The following PTPRD variants were observed in gnomAD, a reference collection of about 807,000 sequenced individuals.
PTPRD encodes protein tyrosine phosphatase receptor type D.
PTPRD carries 34 observed loss-of-function variants against 214.5 expected under a neutral mutation model. That is an observed-to-expected ratio of 0.16 (90% CI 0.12 to 0.21). The LOEUF (loss-of-function observed/expected upper bound fraction) is 0.21. PTPRD is among the 10% of genes least tolerant of loss of function. PTPRD has a pLI of 1.00. For missense variants in PTPRD, 2,545 were observed against 2,398.7 expected (o/e 1.06, Z -1.27); for synonymous variants, 1,128 against 845.7 (o/e 1.33, Z -5.79).
intron 44 of PTPRD, among the ~76,000 whole-genome samples, chr9:8,329,611 C>G (rs1296492041): frequency 6.6e-6 from 1 of 152,104 alleles, no homozygotes; most frequent in East Asian, 1.9e-4. Flanking sequence ...GAAGCTGTGC[C>G]CACAGCTGCC....
intron 2 of PTPRD, among the ~76,000 whole-genome samples, chr9:10,386,080 T>G (rs1191144320): frequency 6.6e-6 from 1 of 151,814 alleles, no homozygotes; most frequent in Non-Finnish European, 1.5e-5. Context: ...ATTGAAGGCA[T>G]GAAATTCAGT....
chr9:10,570,921 A>T (rs2067229175), intron 2 of PTPRD, among the ~76,000 whole-genome samples: 1 of 148,394 alleles, frequency 6.7e-6, no homozygotes, highest in Non-Finnish European at 1.5e-5. Context: ...CTTTCCATAT[A>T]TGGCTCCTTT....
At chr9:9,103,606 C>G (rs1433865898) in intron 10 of PTPRD, among the ~76,000 whole-genome samples, 1 of 151,744 alleles carries the variant, frequency 6.6e-6, no homozygotes, top group Non-Finnish European at 1.5e-5. Flanking sequence ...GTATCCTTTG[C>G]TTCCATAAGA....
intron 35 of PTPRD, among the ~76,000 whole-genome samples, chr9:8,432,228 A>G (rs1036402401): frequency 6.6e-6 from 1 of 152,226 alleles, no homozygotes; most frequent in Non-Finnish European, 1.5e-5. Flanking sequence ...TCTCAAATTG[A>G]GACTACTTAA....
intron 7 of PTPRD, among the ~76,000 whole-genome samples, chr9:9,684,350 A>G (rs1324488848): frequency 6.6e-6 from 1 of 151,658 alleles, no homozygotes; most frequent in Non-Finnish European, 1.5e-5. Context: ...GATCCTATCA[A>G]TGTTGGGTGC....
chr9:10,387,853 G>T (rs1241501111), intron 2 of PTPRD, among the ~76,000 whole-genome samples: 4 of 115,258 alleles, frequency 3.5e-5, no homozygotes, highest in East Asian at 2.6e-4. Flanking sequence ...TTGAGAAAAG[G>T]TCTCACTATG....
intron 2 of PTPRD, among the ~76,000 whole-genome samples, chr9:10,540,285 C>G (rs1216437621): frequency 2.6e-5 from 4 of 152,184 alleles, no homozygotes; most frequent in Non-Finnish European, 5.9e-5. Context: ...GCCTCGGCCT[C>G]CCAGAGTGCT....
At chr9:10,451,655 C>T (rs1405850963) in intron 2 of PTPRD, among the ~76,000 whole-genome samples, 1 of 151,544 alleles carries the variant, frequency 6.6e-6, no homozygotes, top group Non-Finnish European at 1.5e-5. Flanking sequence ...TGGCACAAAG[C>T]AGGTACTATA....
Position 8,987,013 on chromosome 9 carries a change from T to G in PTPRD, c.-104+31684A>C, listed in dbSNP as rs962285421. Among the ~76,000 whole-genome samples, 3 of 151,678 alleles carry G rather than the reference T, an allele frequency of 2.0e-5. No individual in the cohort carries two copies. In the South Asian group the frequency reaches 6.2e-4, roughly 31 times the overall value. ...TGCTTCCTGGTTTATATTTGTTATT[T>G]GCAACCCAAAGATGGTCACTAATAA... is the stretch of plus-strand genomic sequence containing the variant. On this transcript the variant is annotated intron_variant, in intron 11 of 45. Transcript: ENST00000381196.
chr9:8,771,230 C>A (rs1024133405), intron 11 of PTPRD, among the ~76,000 whole-genome samples: 1 of 150,992 alleles, frequency 6.6e-6, no homozygotes, highest in African/African-American at 2.4e-5. Context: ...ATTTAAAATT[C>A]TTTCTATTCT....
chr9:10,418,245 G>A (rs2098511852), intron 2 of PTPRD, among the ~76,000 whole-genome samples: 1 of 151,728 alleles, frequency 6.6e-6, no homozygotes, highest in South Asian at 2.1e-4. Flanking sequence ...TCTAGCTCAA[G>A]ACAAATATAA....
At chr9:10,365,781 T>C (rs2154473957) in intron 2 of PTPRD, among the ~76,000 whole-genome samples, 1 of 152,244 alleles carries the variant, frequency 6.6e-6, no homozygotes, top group Admixed American at 6.5e-5. Flanking sequence ...ATACTACAAA[T>C]AATATTAATT....
intron 44 of PTPRD, among the ~76,000 whole-genome samples, chr9:8,330,803 TTGATGTGC>T (rs1413865229): frequency 1.3e-5 from 2 of 151,512 alleles, no homozygotes; most frequent in African/African-American, 2.4e-5. Context: ...ATAGTTTTCT[TTGATGTGC>T]TGAAGCAAAA....
intron 5 of PTPRD, among the ~76,000 whole-genome samples, chr9:9,928,221 G>A (rs1273010051): frequency 1.3e-5 from 2 of 152,124 alleles, no homozygotes; most frequent in African/African-American, 4.8e-5. Flanking sequence ...ATCATGAAGT[G>A]TTATTAATAT....
intron 11 of PTPRD, among the ~76,000 whole-genome samples, chr9:8,742,133 A>C (rs767008515): frequency 7.2e-5 from 11 of 152,172 alleles, no homozygotes; most frequent in Non-Finnish European, 1.0e-4. Flanking sequence ...TGACCAATAA[A>C]CTAATATGTC....
chr9:9,751,367 G>A (rs2098517506), intron 6 of PTPRD, among the ~76,000 whole-genome samples: 1 of 151,996 alleles, frequency 6.6e-6, no homozygotes, highest in East Asian at 1.9e-4. Flanking sequence ...ACTGGGTTTT[G>A]AACTCCAGAA....
At chr9:8,872,430 G>T (rs960279416) in intron 11 of PTPRD, among the ~76,000 whole-genome samples, 1 of 152,144 alleles carries the variant, frequency 6.6e-6, no homozygotes, top group African/African-American at 2.4e-5. Flanking sequence ...TGTTAACAAT[G>T]TTGTATTATT....
chr9:9,133,945 T>A (rs562882197), intron 10 of PTPRD, among the ~76,000 whole-genome samples: 1 of 151,910 alleles, frequency 6.6e-6, no homozygotes, highest in Non-Finnish European at 1.5e-5. Flanking sequence ...CATACTCTAA[T>A]AGATCTCTCA....
intron 10 of PTPRD, among the ~76,000 whole-genome samples, chr9:9,150,549 G>T (rs1042989421): frequency 6.7e-6 from 1 of 150,314 alleles, no homozygotes; most frequent in Non-Finnish European, 1.5e-5. Flanking sequence ...GAGTGCAATG[G>T]TGTGATTTCA....
Sources: allele counts gnomAD v4.1 joint callset (sites outside exome capture counted in the v4.1 genomes callset), GRCh38; gene constraint gnomAD v4.1.1; transcripts MANE v1.5; gene names NCBI Gene and HGNC (gene_info 2026-07-23, HGNC 2026-07-21).